SNED1: variants seen among roughly 807,000 people sequenced by gnomAD.
The protein encoded by SNED1 is sushi, nidogen and EGF like domains 1.
A neutral mutation model predicts 166.7 loss-of-function variants in SNED1; 81 were observed. The ratio of observed to expected loss-of-function variants is 0.49; its 90% CI spans 0.41 to 0.58. The LOEUF is 0.58. SNED1 is among the 20% of genes least tolerant of loss of function. The pLI is 0.00. For synonymous variants in SNED1, 762 were observed against 822.0 expected (o/e 0.93, Z 1.25); for missense variants, 1,604 against 2,000.2 (o/e 0.80, Z 3.78).
chr2:241,050,097 C>T lies in SNED1; in HGVS notation c.1735+164C>T. 5.8e-6 allele frequency: 4 copies of T among 690,106 alleles called. No individual in the cohort carries two copies. The South Asian group carries it at 6.3e-5, about 11-fold the overall frequency. 42.7% of individuals were successfully genotyped at this position (690,106 alleles called of 1,614,324 possible). On this transcript the variant is annotated intron_variant, in intron 12 of 31. Coordinates refer to ENST00000310397, the MANE Select transcript of SNED1 (RefSeq NM_001080437.3). ...TGTTCTGTGTATTTAGAGGTGAGCACCTCACTGTTTGGATGGTTCTGATCT... is the reference window on the plus strand; with the variant it reads ...TGTTCTGTGTATTTAGAGGTGAGCATCTCACTGTTTGGATGGTTCTGATCT...
At position 241,018,222 on chromosome 2, in the gene SNED1, C is replaced by T. The variant is rs371685348; in HGVS notation, c.214-12062C>T. Among the ~76,000 whole-genome samples the T allele has an allele frequency of 5.3e-5, 8 of 152,360 alleles. No homozygotes were observed. The East Asian group carries it at 7.7e-4, about 15-fold the overall frequency. On this transcript the variant is annotated intron_variant, in intron 1 of 31. Coordinates refer to ENST00000310397, the MANE Select transcript of SNED1 (RefSeq NM_001080437.3). The surrounding 1 kb of genome is among the most constrained non-coding windows in gnomAD (Gnocchi z 5.4). ...TTGCAGCTTTGGTCACCATACACGA[C>T]GTAACCCACAGGCGCTCAGATGACG...
intron 27 of SNED1, among the ~76,000 whole-genome samples, chr2:241,081,082 G>A (rs746640930): frequency 3.3e-5 from 5 of 152,234 alleles, no homozygotes; most frequent in Admixed American, 6.5e-5. Context: ...CGTGTCACTC[G>A]AGTGGGACTT....
At chr2:241,062,650 A>G (rs749250986) in intron 16 of SNED1, 141 bp from the exon 17 acceptor site, 2 of 702,506 alleles carry the variant, frequency 2.8e-6, no homozygotes. Context: ...CTCCAAGGAT[A>G]TCCAGCCCTG....
chr2:241,029,031 T>C (rs1424785505), intron 1 of SNED1, among the ~76,000 whole-genome samples: 1 of 152,144 alleles, frequency 6.6e-6, no homozygotes, highest in Non-Finnish European at 1.5e-5. Flanking sequence ...GTGCTGCCAG[T>C]CTGGGACCCC....
chr2:241,030,641 C>T (rs1290322060), intron 2 of SNED1, 70 bp downstream of exon 2: 3 of 1,486,032 alleles, frequency 2.0e-6, no homozygotes, highest in South Asian at 1.3e-5. Context: ...CGCACCAGGG[C>T]TCCCTCTTGC....
intron 27 of SNED1, among the ~76,000 whole-genome samples, chr2:241,077,999 C>T (rs192103250): frequency 3.1e-4 from 47 of 152,230 alleles, no homozygotes; most frequent in Admixed American, 8.5e-4. Flanking sequence ...AAATGAAAAC[C>T]TATGTCCACA....
At position 241,069,869 on chromosome 2, in the gene SNED1, A is replaced by G; in HGVS notation, c.3308-51A>G. On this transcript the variant is annotated intron_variant, in intron 23 of 31. Transcript: ENST00000310397. This position sits in a 1 kb window ranked among gnomAD's most constrained non-coding sequence, Gnocchi z 4.9. Reference sequence around the variant, plus strand: ...CCGGTTCTCAAACCGTGTTCTTGCCAGAAGACCCTGTGGGCACCCCCTCAC... The same window carrying G: ...CCGGTTCTCAAACCGTGTTCTTGCCGGAAGACCCTGTGGGCACCCCCTCAC... 6.3e-7 allele frequency: 1 copy of G among 1,581,532 alleles called. No homozygotes were observed. The highest frequency in any genetic ancestry group is 8.6e-7 in the Non-Finnish European group (1 of 1,164,170).
chr2:241,031,643 G>A (rs907267773), intron 2 of SNED1, among the ~76,000 whole-genome samples: 1 of 152,190 alleles, frequency 6.6e-6, no homozygotes, highest in Admixed American at 6.5e-5. Context: ...TCCTCATTGC[G>A]CCTCTCGGCT....
chr2:241,088,683 T>C (rs2063711757), intron 31 of SNED1: 1 of 450,788 alleles, frequency 2.2e-6, no homozygotes, highest in Middle Eastern at 5.8e-4. Context: ...AAGGGAAATG[T>C]GGCCAAGAAA....
chr2:241,034,476 C>A (rs2061283739), intron 3 of SNED1, 92 bp from the exon 4 acceptor site: 5 of 1,263,336 alleles, frequency 4.0e-6, no homozygotes, highest in Non-Finnish European at 4.3e-6. Context: ...AGGTTGCCGA[C>A]CCTGGCAGGA....
At chr2:241,057,328 G>A (rs917509879) in intron 16 of SNED1, among the ~76,000 whole-genome samples, 2 of 149,814 alleles carry the variant, frequency 1.3e-5, no homozygotes, top group East Asian at 3.9e-4. Context: ...GCAATGAGCC[G>A]AGATTGCGCC....
intron 1 of SNED1, among the ~76,000 whole-genome samples, chr2:241,024,975 A>G (rs1355964709): frequency 6.6e-6 from 1 of 152,176 alleles, no homozygotes; most frequent in Non-Finnish European, 1.5e-5. Flanking sequence ...TGCCTGGCCA[A>G]TCATGCCATA....
At chr2:241,030,681 A>G (rs1433959081) in intron 2 of SNED1, 110 bp downstream of exon 2, 1 of 1,174,394 alleles carries the variant, frequency 8.5e-7, no homozygotes, top group East Asian at 2.5e-5. Flanking sequence ...TCACTGGTCC[A>G]TACCCAAGAG....
intron 27 of SNED1, among the ~76,000 whole-genome samples, chr2:241,077,054 G>A (rs1246033865): frequency 1.3e-5 from 2 of 151,662 alleles, no homozygotes; most frequent in East Asian, 3.9e-4. Flanking sequence ...ACTCCAGCCT[G>A]GGCGACAGAG....
At chr2:241,027,393 C>A (rs1255703764) in intron 1 of SNED1, among the ~76,000 whole-genome samples, 1 of 152,118 alleles carries the variant, frequency 6.6e-6, no homozygotes, top group African/African-American at 2.4e-5. Flanking sequence ...GATTTCCTTA[C>A]TTTTTAAGGC....
chr2:241,010,510 A>G (rs1437635412), intron 1 of SNED1: 2 of 152,378 alleles, frequency 1.3e-5, no homozygotes, highest in Non-Finnish European at 2.9e-5. Context: ...CCAAGTCCCC[A>G]AGTCACTGCA....
rs1175693107 is a variant in SNED1, at chr2:241,073,308, C to T, written c.3860C>T (p.Pro1287Leu). Residue 1287 changes from proline (P) to leucine (L), a missense_variant, in exon 27 of 32, where the codon CCC (proline) becomes CTC (leucine). Around this residue, in one of 2 missense-constraint regions of SNED1, gnomAD observed 367 missense variants for 379.4 expected, o/e 0.97. Coordinates refer to ENST00000310397, the MANE Select transcript of SNED1 (RefSeq NM_001080437.3). This position sits in a 1 kb window ranked among gnomAD's most constrained non-coding sequence, Gnocchi z 6.6. The part of the protein sequence containing the change: ...SAQLENMEEA[P>L]KRVSLALQLP... The stretch of plus-strand genomic sequence containing the variant: ...CAGCTCGAGAACATGGAGGAAGCCC[C>T]CAAGCGGGTCAGCCTGGCCCTCCAG... 1 of 1,572,762 alleles carries T rather than the reference C, an allele frequency of 6.4e-7. No individual in the cohort carries two copies. The highest frequency in any genetic ancestry group is 2.4e-5 in the East Asian group (1 of 42,324).
In SNED1 at chr2:241,040,160, C is replaced by T. The variant is rs114600580; in HGVS notation, c.1131C>T (p.Ala377=). ...ENGSAVCVCQ[A]GYTGAACEMD... ...GCTCTGCGGTGTGTGTGTGCCAGGC[C>T]GGATACACCGGAGCAGCCTGCGAGA... The change falls in exon 7 of 32, where the codon GCC becomes GCT. Residue 377 remains alanine (A), a synonymous_variant. Coordinates refer to ENST00000310397, the MANE Select transcript of SNED1 (RefSeq NM_001080437.3). 1.1e-3 allele frequency: 1,759 copies of T among 1,600,060 alleles called. 19 individuals are homozygous for T. In the African/African-American group the frequency reaches 0.021, roughly 19 times the overall value.
chr2:241,027,244 C>A (rs2060998862), intron 1 of SNED1, among the ~76,000 whole-genome samples: 1 of 152,120 alleles, frequency 6.6e-6, no homozygotes, highest in Admixed American at 6.5e-5. Flanking sequence ...CCATGCCCAG[C>A]TAATGTTTGT....
Sources: allele counts gnomAD v4.1 joint callset (sites outside exome capture counted in the v4.1 genomes callset), GRCh38; gene constraint gnomAD v4.1.1; regional missense constraint gnomAD v4.1.1; non-coding constraint Gnocchi (gnomAD v3.1); transcripts MANE v1.5; gene names NCBI Gene and HGNC (gene_info 2026-07-23, HGNC 2026-07-21).